EXOC4: variants seen among roughly 807,000 people sequenced by gnomAD.
EXOC4 encodes the protein SEC8-like 1.
In EXOC4, 71 loss-of-function variants were observed where a neutral mutation model predicts 107.2. That is an observed-to-expected ratio of 0.66 (90% confidence interval 0.55 to 0.81). The LOEUF (loss-of-function observed/expected upper bound fraction) is 0.81, where lower values mean the gene tolerates loss of function less well. EXOC4 is among the 30% of genes least tolerant of loss of function. The pLI is 0.00. For synonymous variants in EXOC4, 456 were observed against 441.2 expected, an observed-to-expected ratio of 1.03 and a Z score of -0.42; for missense variants, 1,108 against 1,189.6, an observed-to-expected ratio of 0.93 and a Z score of 1.01.
At chr7:133,480,709 C>A (rs1028498701) in intron 9 of EXOC4, 1 of 152,004 alleles carries the variant, frequency 6.6e-6, no homozygotes, top group South Asian at 2.1e-4. Context: ...AGACTGATAA[C>A]ATTTCCTTCT....
intron 10 of EXOC4, among the ~76,000 whole-genome samples, chr7:133,801,503 G>A (rs2151195863): frequency 6.6e-6 from 1 of 152,294 alleles, no homozygotes; most frequent in East Asian, 1.9e-4. Context: ...GCAAATGAAT[G>A]TTAGATGGGT....
At chr7:133,828,741 T>G (rs1264050285) in intron 11 of EXOC4, among the ~76,000 whole-genome samples, 1 of 152,166 alleles carries the variant, frequency 6.6e-6, no homozygotes, top group African/African-American at 2.4e-5. Flanking sequence ...GTGAAAGAAT[T>G]TCCACCATTG....
In EXOC4 at chr7:133,558,615, CT is replaced by C. The variant is rs1170410575; in HGVS notation, c.1418-71425del. Among the ~76,000 whole-genome samples the C allele has an allele frequency of 1.3e-4, 19 of 151,850 alleles. No homozygotes were observed. In the East Asian group the frequency reaches 3.7e-3, roughly 29 times the overall value. Reference sequence around the variant, plus strand: ...ACAAATGTACGTATTCTTCAAATGTCTTTTTATTTTTTTTAATTTTAAACAT... The same window carrying C: ...ACAAATGTACGTATTCTTCAAATGTCTTTTATTTTTTTTAATTTTAAACAT... On this transcript the variant is annotated intron_variant, in intron 9 of 17. Transcript: ENST00000253861.
intron 14 of EXOC4, among the ~76,000 whole-genome samples, chr7:133,945,365 T>G (rs778948700): frequency 3.3e-5 from 5 of 152,180 alleles, no homozygotes; most frequent in Non-Finnish European, 7.4e-5. Context: ...GGGAAATGCT[T>G]TGTAATTATT....
chr7:133,513,310 C>A (rs1799810433), intron 9 of EXOC4, among the ~76,000 whole-genome samples: 1 of 152,172 alleles, frequency 6.6e-6, no homozygotes, highest in African/African-American at 2.4e-5. Context: ...CTCAAGCGAT[C>A]CATCGCCTTG....
intron 14 of EXOC4, among the ~76,000 whole-genome samples, chr7:133,970,963 G>T (rs1291185658): frequency 3.3e-5 from 5 of 151,988 alleles, no homozygotes; most frequent in African/African-American, 1.2e-4. Context: ...TTGCTTCTAA[G>T]TCTTTGAGAA....
In EXOC4 at chr7:134,037,529, G is replaced by C. The variant is rs1419103337; in HGVS notation, c.2688-26762G>C. 2.0e-5 allele frequency among the ~76,000 whole-genome samples: 3 copies of C among 152,184 alleles called. No individual in the cohort carries two copies. In the East Asian group the frequency reaches 5.8e-4, roughly 29 times the overall value. ...TCGTTTCGGCATACATTGGTGGAGA[G>C]GGGCCCTGTGTTAGGCTTTCCATTC... On this transcript the variant is annotated intron_variant, in intron 17 of 17. Transcript: ENST00000253861.
At chr7:133,755,242 TAA>T (rs1491335997) in intron 10 of EXOC4, among the ~76,000 whole-genome samples, 3 of 111,916 alleles carry the variant, frequency 2.7e-5, no homozygotes, top group East Asian at 2.5e-4. Flanking sequence ...ATAATATATA[TAA>T]TATATATATT....
intron 17 of EXOC4, among the ~76,000 whole-genome samples, chr7:134,053,044 CTCAT>C (rs1187724249): frequency 6.6e-6 from 1 of 152,160 alleles, no homozygotes; most frequent in Admixed American, 6.5e-5. Context: ...TATCAGCTGT[CTCAT>C]TCATTCATTC....
chr7:133,581,796 G>A (rs557676740), intron 9 of EXOC4, among the ~76,000 whole-genome samples: 3 of 151,676 alleles, frequency 2.0e-5, no homozygotes, highest in African/African-American at 7.3e-5. Context: ...CCTGAGACTG[G>A]GTAATTTATA....
At position 133,938,001 on chromosome 7, in the gene EXOC4, T is replaced by G. The variant is rs139040668; in HGVS notation, c.2138T>G (p.Met713Arg). 1.2e-6 allele frequency: 2 copies of G among 1,614,144 alleles called. No individual in the cohort carries two copies. Reference protein sequence around the residue: ...DVSDLKALANMHESLEWLASR... With the variant: ...DVSDLKALANRHESLEWLASR... ...AGTGACCTCAAAGCCTTGGCCAACATGCATGAAAGCCTGGAATGGTTGGCA... is the reference window on the plus strand; with the variant it reads ...AGTGACCTCAAAGCCTTGGCCAACAGGCATGAAAGCCTGGAATGGTTGGCA... Residue 713 changes from methionine (M) to arginine (R), a missense_variant, in exon 14 of 18, where the codon ATG (methionine) becomes AGG (arginine). Transcript: ENST00000253861.
intron 10 of EXOC4, among the ~76,000 whole-genome samples, chr7:133,637,056 C>G (rs1434639599): frequency 6.6e-6 from 1 of 152,134 alleles, no homozygotes; most frequent in Non-Finnish European, 1.5e-5. Context: ...TGTGAAATAG[C>G]TTTGAAATGC....
intron 7 of EXOC4, among the ~76,000 whole-genome samples, chr7:133,441,323 T>C (rs1447103036): frequency 1.3e-5 from 2 of 152,172 alleles, no homozygotes; most frequent in Admixed American, 6.5e-5. Context: ...GACTGGCTCA[T>C]AGAGGGCCTA....
chr7:133,459,538 G>A (rs1176946356), intron 7 of EXOC4, among the ~76,000 whole-genome samples: 2 of 152,138 alleles, frequency 1.3e-5, no homozygotes, highest in Non-Finnish European at 2.9e-5. Context: ...TGCCTCATGG[G>A]GGCAGAAGTG....
intron 11 of EXOC4, among the ~76,000 whole-genome samples, chr7:133,845,743 T>C (rs1050452650): frequency 2.0e-5 from 3 of 152,190 alleles, no homozygotes; most frequent in Admixed American, 2.0e-4. Flanking sequence ...TGCAGTGAGC[T>C]AAAGGAAGCT....
At chr7:133,966,008 T>C (rs1395692498) in intron 14 of EXOC4, among the ~76,000 whole-genome samples, 2 of 152,184 alleles carry the variant, frequency 1.3e-5, no homozygotes, top group African/African-American at 4.8e-5. Context: ...CCTTGAGCAG[T>C]GGTTTGTAGT....
intron 7 of EXOC4, among the ~76,000 whole-genome samples, chr7:133,389,280 T>C (rs749615861): frequency 4.0e-5 from 6 of 151,890 alleles, no homozygotes; most frequent in Non-Finnish European, 7.4e-5. Flanking sequence ...CTATAAGAAA[T>C]GGAGAGTCGG....
chr7:133,801,758 C>A (rs1226579532), intron 10 of EXOC4, among the ~76,000 whole-genome samples: 1 of 152,204 alleles, frequency 6.6e-6, no homozygotes, highest in African/African-American at 2.4e-5. Flanking sequence ...AAATCTCAGA[C>A]CTTTCACAGT....
chr7:133,310,019 C>T (rs989471584), intron 4 of EXOC4, among the ~76,000 whole-genome samples: 1 of 152,142 alleles, frequency 6.6e-6, no homozygotes, highest in African/African-American at 2.4e-5. Flanking sequence ...CCTTTTTACT[C>T]AGTTAATAGT....
Sources: gnomAD v4.1 joint callset for allele counts (sites outside exome capture counted in the v4.1 genomes callset) on GRCh38, gnomAD v4.1.1 for gene constraint, MANE v1.5 for transcripts, NCBI Gene and HGNC (gene_info 2026-07-23, HGNC 2026-07-21) for gene names.